Variants in ZIM2 observed in about 807,000 individuals in gnomAD.
ZIM2 encodes the protein zinc finger imprinted 2.
A neutral mutation model predicts 38.6 loss-of-function variants in ZIM2; 14 were observed. The ratio of observed to expected loss-of-function variants is 0.36; its 90% CI spans 0.24 to 0.57. The LOEUF (loss-of-function observed/expected upper bound fraction) is 0.57, where lower values mean the gene tolerates loss of function less well. ZIM2 is among the 20% of genes least tolerant of loss of function. ZIM2 has a pLI of 0.81. For synonymous variants in ZIM2, 247 were observed against 245.8 expected (o/e 1.00, Z -0.04); for missense variants, 680 against 695.1 (o/e 0.98, Z 0.24).
intron 10 of ZIM2, among the ~76,000 whole-genome samples, chr19:56,783,757 C>G (rs1333000344): frequency 1.3e-5 from 2 of 152,142 alleles, no homozygotes; most frequent in African/African-American, 4.8e-5. Flanking sequence ...CATACTCATT[C>G]ATGCTCCAAA....
In ZIM2 at chr19:56,782,038, T is replaced by C. The variant is rs1417508587; in HGVS notation, c.654A>G (p.Pro218=). ...CAGCACTAAGGGAACTAAGTTCCTCTGGGCTGAAGTCCACAAGCACATCCT... is the reference window on the plus strand; with the variant it reads ...CAGCACTAAGGGAACTAAGTTCCTCCGGGCTGAAGTCCACAAGCACATCCT... ...TFEDVLVDFS[P]EELSSLSAAQ... Residue 218 remains proline, a synonymous_variant, in exon 11 of 13, where the codon CCA becomes CCG. Coordinates refer to ENST00000629319, the MANE Select transcript of ZIM2 (RefSeq NM_001387356.1). 1.2e-6 allele frequency: 2 copies of C among 1,614,038 alleles called. No individual in the cohort carries two copies. Among genetic ancestry groups the C allele is most frequent in the East Asian group, 4.5e-5 (2 of 44,864 alleles).
chr19:56,838,091 C>T (rs1006716145), intron 1 of ZIM2, among the ~76,000 whole-genome samples: 1 of 152,220 alleles, frequency 6.6e-6, no homozygotes. Context: ...CACCTAATGG[C>T]CAGCAAAGAT....
intron 3 of ZIM2, among the ~76,000 whole-genome samples, chr19:56,826,170 G>C (rs1282478831): frequency 1.3e-5 from 2 of 152,208 alleles, no homozygotes; most frequent in Non-Finnish European, 2.9e-5. Flanking sequence ...CAACAGACCA[G>C]AGAGTCCAGG....
At chr19:56,811,036 T>A in intron 9 of ZIM2, 1 of 980,986 alleles carries the variant, frequency 1.0e-6, no homozygotes, top group Non-Finnish European at 1.2e-6. Flanking sequence ...CATAAACCTG[T>A]GCACAGAAAC....
chr19:56,831,757 GCAAAACATTCAC>G (rs755577855), intron 2 of ZIM2, among the ~76,000 whole-genome samples: 7 of 152,210 alleles, frequency 4.6e-5, no homozygotes, highest in Non-Finnish European at 1.0e-4. Context: ...TGCAGGTATT[GCAAAACATTCAC>G]CATAGAAACT....
At chr19:56,789,329 C>G (rs1366297932) in intron 10 of ZIM2, among the ~76,000 whole-genome samples, 2 of 152,210 alleles carry the variant, frequency 1.3e-5, no homozygotes, top group African/African-American at 4.8e-5. Context: ...GCCGAAGTTG[C>G]AGTAACTGCA....
chr19:56,811,012 GAC>G, intron 9 of ZIM2: 1 of 974,020 alleles, frequency 1.0e-6, no homozygotes, highest in Non-Finnish European at 1.2e-6. Context: ...TATACATTTT[GAC>G]ACAGTTATAA....
At chr19:56,822,484 C>T (rs1212670557) in intron 6 of ZIM2, 4 of 372,280 alleles carry the variant, frequency 1.1e-5, no homozygotes, top group Non-Finnish European at 1.8e-5. Flanking sequence ...GTCTTTCATA[C>T]AGAAACTTCC....
chr19:56,830,912 A>G (rs547584625), intron 2 of ZIM2, among the ~76,000 whole-genome samples: 2 of 152,238 alleles, frequency 1.3e-5, no homozygotes, highest in South Asian at 4.1e-4. Context: ...GGGTGACAGA[A>G]CTAGACTGAA....
chr19:56,817,947 A>C, intron 8 of ZIM2, 109 bp from the exon 9 acceptor site: 1 of 772,636 alleles, frequency 1.3e-6, no homozygotes, highest in Non-Finnish European at 2.2e-6. Context: ...GGTGGCCCAC[A>C]TCTGATTCCT....
rs1183513410 is a variant in ZIM2, at chr19:56,814,535, C to G, written c.490+3211G>C. ...TACTCATAGGGCTCATTCTTATGAA[C>G]AGTTACGTGATCTGCAAGTTCTGCT... is the stretch of plus-strand genomic sequence containing the variant. On this transcript the variant is annotated intron_variant, in intron 9 of 12. Transcript: ENST00000629319. This position sits in a 1 kb window ranked among gnomAD's most constrained non-coding sequence, Gnocchi z 5.8. 6.2e-7 allele frequency: 1 copy of G among 1,613,806 alleles called. No homozygotes were observed. The highest frequency in any genetic ancestry group is 1.1e-5 in the South Asian group (1 of 91,046).
intron 12 of ZIM2, among the ~76,000 whole-genome samples, chr19:56,776,262 A>G (rs1471028019): frequency 6.6e-6 from 1 of 152,200 alleles, no homozygotes; most frequent in Non-Finnish European, 1.5e-5. Flanking sequence ...GGGGTTTGTC[A>G]GCATTTTCCA....
At chr19:56,792,613 T>C (rs1265169370) in intron 9 of ZIM2, among the ~76,000 whole-genome samples, 1 of 141,176 alleles carries the variant, frequency 7.1e-6, no homozygotes, top group Non-Finnish European at 1.5e-5. Flanking sequence ...ACACTGGGTA[T>C]ACATGGACTC....
chr19:56,821,817 G>C (rs2060518224), intron 6 of ZIM2, 63 bp from the exon 7 acceptor site: 1 of 1,580,722 alleles, frequency 6.3e-7, no homozygotes, highest in Non-Finnish European at 8.7e-7. Flanking sequence ...TCCCAGGTTT[G>C]TCCCACTCAA....
At chr19:56,819,327 C>A (rs1430648211) in intron 7 of ZIM2, among the ~76,000 whole-genome samples, 1 of 152,218 alleles carries the variant, frequency 6.6e-6, no homozygotes, top group African/African-American at 2.4e-5. Flanking sequence ...CCAGGAATAA[C>A]TGTAAGCCCT....
chr19:56,834,080 T>C (rs865901783), intron 2 of ZIM2, among the ~76,000 whole-genome samples: 1 of 152,244 alleles, frequency 6.6e-6, no homozygotes, highest in South Asian at 2.1e-4. Context: ...CAAATAAAGC[T>C]ACTTTAAAGA....
At chr19:56,822,455 CA>C (rs2060589309) in intron 6 of ZIM2, 1 of 333,960 alleles carries the variant, frequency 3.0e-6, no homozygotes, top group Non-Finnish European at 5.4e-6. Context: ...TACTAGTTTT[CA>C]ATTTTTGCAG....
intron 6 of ZIM2, 98 bp from the exon 7 acceptor site, chr19:56,821,852 T>A: frequency 7.6e-7 from 1 of 1,307,976 alleles, no homozygotes; most frequent in East Asian, 2.3e-5. Flanking sequence ...GGGGTGTGAG[T>A]GTATGAGAGC....
intron 9 of ZIM2, chr19:56,798,583 A>T (rs916443911): frequency 6.6e-6 from 1 of 152,272 alleles, no homozygotes; most frequent in Non-Finnish European, 1.5e-5. Flanking sequence ...TGCCAAAAGC[A>T]GTAGCAACAA....
Sources: gnomAD v4.1 joint callset for allele counts (sites outside exome capture counted in the v4.1 genomes callset) on GRCh38, gnomAD v4.1.1 for gene constraint, Gnocchi (gnomAD v3.1) non-coding constraint, MANE v1.5 for transcripts, NCBI Gene and HGNC (gene_info 2026-07-23, HGNC 2026-07-21) for gene names.